UTRN: variants seen among roughly 807,000 people sequenced by gnomAD.
UTRN encodes the protein utrophin, also known as dystrophin-related protein 1.
In UTRN, 283 loss-of-function variants were observed where a neutral mutation model predicts 463.9. The observed-to-expected ratio is 0.61, with a 90% CI of 0.55 to 0.67. The LOEUF (loss-of-function observed/expected upper bound fraction) is 0.67. Ranked by LOEUF, UTRN falls within the 30% of genes least tolerant of loss-of-function variation. UTRN has a pLI of 0.00. For missense variants in UTRN, 3,922 were observed against 4,084.3 expected, an observed-to-expected ratio of 0.96 and a Z score of 1.08; for synonymous variants, 1,442 against 1,431.5, an observed-to-expected ratio of 1.01 and a Z score of -0.17.
chr6:144,653,015 A>T (rs1047642967), intron 51 of UTRN, among the ~76,000 whole-genome samples: 1 of 151,606 alleles, frequency 6.6e-6, no homozygotes, highest in Non-Finnish European at 1.5e-5. Flanking sequence ...CTATCTAATG[A>T]TTTAATTTTG....
intron 34 of UTRN, among the ~76,000 whole-genome samples, chr6:144,502,009 T>A (rs1194801330): frequency 6.6e-6 from 1 of 152,178 alleles, no homozygotes; most frequent in Non-Finnish European, 1.5e-5. Context: ...ATTTGGAGCT[T>A]TTTATCTGTT....
chr6:144,448,150 A>G (rs1295749734), intron 16 of UTRN, among the ~76,000 whole-genome samples: 2 of 152,244 alleles, frequency 1.3e-5, no homozygotes, highest in African/African-American at 4.8e-5. Context: ...CAACTCAAAT[A>G]TCCATACACA....
chr6:144,673,296 T>C (rs144816884), intron 51 of UTRN, among the ~76,000 whole-genome samples: 1 of 152,288 alleles, frequency 6.6e-6, no homozygotes, highest in East Asian at 1.9e-4. Flanking sequence ...ACAATTATTG[T>C]GTTGCCATCT....
intron 23 of UTRN, among the ~76,000 whole-genome samples, chr6:144,469,458 A>C (rs1257595699): frequency 6.6e-6 from 1 of 152,222 alleles, no homozygotes; most frequent in Admixed American, 6.5e-5. Context: ...ATGAGTTATT[A>C]AGGCTCAAAG....
chr6:144,802,984 T>G, intron 64 of UTRN, 52 bp from the exon 65 acceptor site: 2 of 1,276,634 alleles, frequency 1.6e-6, no homozygotes, highest in Non-Finnish European at 2.1e-6. Flanking sequence ...ACCACAAATT[T>G]AGACTAAATG....
chr6:144,419,783 T>C (rs573275203), intron 3 of UTRN, among the ~76,000 whole-genome samples: 64 of 152,372 alleles, frequency 4.2e-4, no homozygotes, highest in African/African-American at 1.5e-3. Context: ...CTCTCTCCTC[T>C]GTGCTTCTAT....
intron 51 of UTRN, among the ~76,000 whole-genome samples, chr6:144,582,348 C>T (rs1455084874): frequency 6.6e-6 from 1 of 152,162 alleles, no homozygotes; most frequent in Admixed American, 6.5e-5. Flanking sequence ...TCTGGCTGTG[C>T]TCTTTGACCC....
At chr6:144,436,422 A>G (rs1025765277) in intron 10 of UTRN, among the ~76,000 whole-genome samples, 2 of 152,224 alleles carry the variant, frequency 1.3e-5, no homozygotes, top group South Asian at 2.1e-4. Flanking sequence ...GTGCATTGTT[A>G]TATTTCAAAA....
chr6:144,504,541 A>G (rs1251803782), intron 34 of UTRN, among the ~76,000 whole-genome samples: 1 of 152,098 alleles, frequency 6.6e-6, no homozygotes, highest in African/African-American at 2.4e-5. Context: ...GATTACGTTT[A>G]TTGATTTGTG....
intron 48 of UTRN, among the ~76,000 whole-genome samples, chr6:144,551,321 C>T (rs1268341161): frequency 6.6e-6 from 1 of 152,134 alleles, no homozygotes; most frequent in Admixed American, 6.5e-5. Context: ...AACATCACGA[C>T]TCTTAAGTAA....
chr6:144,659,283 C>A (rs1779621156), intron 51 of UTRN, among the ~76,000 whole-genome samples: 1 of 152,040 alleles, frequency 6.6e-6, no homozygotes, highest in South Asian at 2.1e-4. Flanking sequence ...TCACTTCAAA[C>A]TGGGTGAGGG....
chr6:144,592,503 T>G (rs1803192586), intron 51 of UTRN, among the ~76,000 whole-genome samples: 2 of 152,136 alleles, frequency 1.3e-5, no homozygotes, highest in South Asian at 4.1e-4. Flanking sequence ...CCCAAGTAGC[T>G]GGGACTACAG....
Position 144,754,818 on chromosome 6 carries a change from A to G in UTRN, c.8434+20A>G. ...TCTCTAGTAAGTACTAATAAACTGG[A>G]CTGATCGCATTAATTGAATGAATTA... On this transcript the variant is annotated intron_variant, in intron 57 of 74. Transcript: ENST00000367545. 6.2e-7 allele frequency: 1 copy of G among 1,604,358 alleles called. No homozygotes were observed. Among genetic ancestry groups the G allele is most frequent in the African/African-American group, 1.3e-5 (1 of 74,664 alleles).
chr6:144,438,978 C>T (rs1439564388), intron 12 of UTRN, 83 bp downstream of exon 12: 6 of 1,434,382 alleles, frequency 4.2e-6, no homozygotes, highest in Middle Eastern at 1.9e-4. Flanking sequence ...TGACATCTAT[C>T]GTTAACATGA....
At chr6:144,470,256 C>G (rs536198594) in intron 23 of UTRN, among the ~76,000 whole-genome samples, 29 of 152,134 alleles carry the variant, frequency 1.9e-4, no homozygotes, top group African/African-American at 6.7e-4. Flanking sequence ...AGAGGGGTTC[C>G]CCACTTCCCA....
intron 41 of UTRN, among the ~76,000 whole-genome samples, chr6:144,528,031 G>A (rs955074960): frequency 1.5e-4 from 13 of 85,752 alleles, no homozygotes; most frequent in Non-Finnish European, 2.3e-4. Context: ...AAGCTAGTGT[G>A]ATTTTTTTTT....
At chr6:144,732,634 A>G (rs2128715440) in intron 54 of UTRN, among the ~76,000 whole-genome samples, 1 of 150,228 alleles carries the variant, frequency 6.7e-6, no homozygotes, top group Non-Finnish European at 1.5e-5. Flanking sequence ...CCAGCATGAC[A>G]TTTATTGTTT....
intron 51 of UTRN, among the ~76,000 whole-genome samples, chr6:144,670,005 A>G (rs1780839450): frequency 6.6e-6 from 1 of 151,078 alleles, no homozygotes; most frequent in South Asian, 2.1e-4. Context: ...ATATATGTTT[A>G]CATTTTCTTT....
At chr6:144,650,649 G>T (rs1174291643) in intron 51 of UTRN, among the ~76,000 whole-genome samples, 1 of 152,162 alleles carries the variant, frequency 6.6e-6, no homozygotes, top group Admixed American at 6.5e-5. Flanking sequence ...CGTGGCTCAC[G>T]CCTGTAACCC....
Sources: gnomAD v4.1 joint callset for allele counts (sites outside exome capture counted in the v4.1 genomes callset) on GRCh38, gnomAD v4.1.1 for gene constraint, MANE v1.5 for transcripts, NCBI Gene and HGNC (gene_info 2026-07-23, HGNC 2026-07-21) for gene names.